Variants in SPTBN1 observed in about 807,000 individuals in gnomAD.
SPTBN1 encodes spectrin beta chain, non-erythrocytic 1.
In SPTBN1, 32 loss-of-function variants were observed where a neutral mutation model predicts 266.4. The observed-to-expected ratio is 0.12, with a 90% confidence interval of 0.09 to 0.16. The LOEUF (loss-of-function observed/expected upper bound fraction) is 0.16. Among genes scored for constraint, SPTBN1 ranks in the 10% least tolerant of loss-of-function variants. The pLI is 1.00. For synonymous variants in SPTBN1, 1,336 were observed against 1,162.2 expected, an observed-to-expected ratio of 1.15 and a Z score of -3.04; for missense variants, 2,296 against 3,067.1, an observed-to-expected ratio of 0.75 and a Z score of 5.94.
Position 54,637,790 on chromosome 2 carries a change from A to C in SPTBN1, c.3845A>C (p.Gln1282Pro). 1 of 1,613,662 alleles carries C rather than the reference A, an allele frequency of 6.2e-7. No homozygotes were observed. Among genetic ancestry groups the C allele is most frequent in the East Asian group, 2.2e-5 (1 of 44,872 alleles). Residue 1282 changes from glutamine (Q) to proline (P), a missense_variant, in exon 18 of 36, where the codon CAA becomes CCA. Transcript: ENST00000356805. Reference protein sequence around the residue: ...KDNRDLQKFLQDCQELSLWIN... With the variant: ...KDNRDLQKFLPDCQELSLWIN... ...AACAGGGATCTACAGAAATTCCTGC[A>C]AGATTGTCAAGAGGTATGTTACTCT...
chr2:54,550,512 A>G (rs1204191881), intron 2 of SPTBN1, among the ~76,000 whole-genome samples: 1 of 152,210 alleles, frequency 6.6e-6, no homozygotes, highest in Non-Finnish European at 1.5e-5. Context: ...TATATTACCT[A>G]CACTCTCATG....
intron 1 of SPTBN1, among the ~76,000 whole-genome samples, chr2:54,488,781 T>G (rs1429559441): frequency 2.0e-5 from 3 of 152,038 alleles, no homozygotes; most frequent in Admixed American, 6.6e-5. Flanking sequence ...CACACTCTTC[T>G]GTGAATTATT....
At position 54,649,105 on chromosome 2, in the gene SPTBN1, A is replaced by T; in HGVS notation, c.5117A>T (p.Glu1706Val). The change falls in exon 25 of 36, where the codon GAG becomes GTG. Residue 1706 changes from glutamate to valine, a missense_variant. By Grantham distance (121) the Glu-to-Val change is moderately radical. Coordinates refer to ENST00000356805, the MANE Select transcript of SPTBN1 (RefSeq NM_003128.3). This position sits in a 1 kb window ranked among gnomAD's most constrained non-coding sequence, Gnocchi z 6.7. ...ERHRLFQLNR[E>V]VDDLEQWIAE... The stretch of plus-strand genomic sequence containing the variant: ...CACAGGTTATTCCAGCTCAACCGGG[A>T]GGTGGACGACCTGGAGCAGTGGATC... The T allele has an allele frequency of 1.2e-6, 2 of 1,614,098 alleles. No individual in the cohort carries two copies. Among genetic ancestry groups the T allele is most frequent in the Non-Finnish European group, 1.7e-6 (2 of 1,179,988 alleles).
chr2:54,650,334 A>G (rs1340415784), intron 26 of SPTBN1, among the ~76,000 whole-genome samples: 1 of 152,250 alleles, frequency 6.6e-6, no homozygotes, highest in Non-Finnish European at 1.5e-5. Context: ...ACTATTTTTC[A>G]TCAACCAGGT....
chr2:54,655,830 G>A lies in SPTBN1; in HGVS notation c.5962-84G>A, dbSNP rs908485238. On this transcript the variant is annotated intron_variant, in intron 28 of 35. Transcript: ENST00000356805. Reference sequence around the variant, plus strand: ...CTTAATGGTGGTCTTTGCAGAAAATGTATTTTTCTAGTATAAAATGACCCC... The same window carrying A: ...CTTAATGGTGGTCTTTGCAGAAAATATATTTTTCTAGTATAAAATGACCCC... 1.8e-5 allele frequency: 18 copies of A among 1,012,514 alleles called. 1 individual carries two copies. In the Admixed American group the frequency reaches 2.2e-4, roughly 13 times the overall value. 62.7% of individuals were successfully genotyped at this position (1,012,514 alleles called of 1,614,324 possible).
At position 54,621,613 on chromosome 2, in the gene SPTBN1, T is replaced by C. The variant is rs550445056; in HGVS notation, c.876+101T>C. On this transcript the variant is annotated intron_variant, in intron 8 of 35. Coordinates refer to ENST00000356805, the MANE Select transcript of SPTBN1 (RefSeq NM_003128.3). ...AAAATTTGCCAATAGCAATTTGTAGTGGACTCTCCGGATGGTAGGGAAATC... is the reference window on the plus strand; with the variant it reads ...AAAATTTGCCAATAGCAATTTGTAGCGGACTCTCCGGATGGTAGGGAAATC... The C allele has an allele frequency of 5.8e-5, 50 of 857,870 alleles. No homozygotes were observed. In the African/African-American group the frequency reaches 6.7e-4, roughly 11 times the overall value. 53.1% of individuals were successfully genotyped at this position (857,870 alleles called of 1,614,324 possible). A position where few individuals can be genotyped will look rare whatever the true frequency, so the allele number is the denominator to read the frequency against.
At chr2:54,618,789 A>G (rs567954739) in intron 7 of SPTBN1, among the ~76,000 whole-genome samples, 1 of 152,274 alleles carries the variant, frequency 6.6e-6, no homozygotes, top group South Asian at 2.1e-4. Flanking sequence ...CCTTTGGGAA[A>G]GGGGAGTGTA....
intron 2 of SPTBN1, among the ~76,000 whole-genome samples, chr2:54,543,634 G>C (rs1672065395): frequency 2.6e-5 from 4 of 152,006 alleles, no homozygotes; most frequent in Admixed American, 6.5e-5. Context: ...CTTTGCATTT[G>C]TATCTTCTCT....
At chr2:54,560,203 T>C (rs12713261) in intron 2 of SPTBN1, among the ~76,000 whole-genome samples, 52,225 of 147,184 alleles carry the variant, frequency 0.35, 9,766 homozygotes, top group Middle Eastern at 0.51. Context: ...GGGGCGTTCA[T>C]TATCTAGGTT....
intron 28 of SPTBN1, 29 bp from the exon 29 acceptor site, chr2:54,655,885 A>T: frequency 6.4e-7 from 1 of 1,574,482 alleles, no homozygotes. Flanking sequence ...TTCCATTAAG[A>T]TGTCCCGGGG....
intron 33 of SPTBN1, among the ~76,000 whole-genome samples, 161 bp from the exon 34 acceptor site, chr2:54,665,754 A>T (rs998488974): frequency 6.6e-6 from 1 of 152,172 alleles, no homozygotes. Flanking sequence ...GTTTAGTGTT[A>T]GCAGAATTTA....
rs564980528 is a variant in SPTBN1 at position 54,485,441 on chromosome 2, C to A, written c.-48+28923C>A. Among the ~76,000 whole-genome samples the A allele has an allele frequency of 9.2e-5, 14 of 152,366 alleles. No homozygotes were observed. In the South Asian group the frequency reaches 2.9e-3, roughly 32 times the overall value. ...CTCCTAACCGTGAGTGATCTGCCAG[C>A]CTCGGCCTCCCAAGGTGCCGGGATT... On this transcript the variant is annotated intron_variant, in intron 1 of 35. Transcript: ENST00000356805.
intron 17 of SPTBN1, among the ~76,000 whole-genome samples, chr2:54,633,864 A>G (rs1228723342): frequency 6.6e-6 from 1 of 152,190 alleles, no homozygotes; most frequent in Non-Finnish European, 1.5e-5. Flanking sequence ...TACCACTTCC[A>G]ATCTTTTTTT....
At chr2:54,470,734 G>C (rs10200103) in intron 1 of SPTBN1, among the ~76,000 whole-genome samples, 46,029 of 152,046 alleles carry the variant, frequency 0.3, 8,371 homozygotes, top group African/African-American at 0.51. Context: ...AGCTACTTGA[G>C]AGGCTGACGT....
Position 54,659,356 on chromosome 2 carries a change from G to A in SPTBN1, c.6356+90G>A. 4 of 1,261,488 alleles carry A rather than the reference G, an allele frequency of 3.2e-6. No individual in the cohort carries two copies. The South Asian group carries it at 4.9e-5, about 15-fold the overall frequency. 78.1% of individuals were successfully genotyped at this position (1,261,488 alleles called of 1,614,324 possible). On this transcript the variant is annotated intron_variant, in intron 31 of 35. Transcript: ENST00000356805. The stretch of plus-strand genomic sequence containing the variant: ...TCTTTCTGAAGCCTTGCATTGCTAG[G>A]CCTAACCACATGCCCTGCCTACTGA...
chr2:54,526,445 T>C lies in SPTBN1; in HGVS notation c.27T>C (p.Tyr9=). The C allele has an allele frequency of 6.2e-7, 1 of 1,614,206 alleles. No individual in the cohort carries two copies. The highest frequency in any genetic ancestry group is 8.5e-7 in the Non-Finnish European group (1 of 1,180,026). MTTTVATD[Y]DNIEIQQQYS... The stretch of plus-strand genomic sequence containing the variant: ...TGACGACCACAGTAGCCACAGACTA[T>C]GACAACATTGAGATCCAGCAGCAGT... The change falls in exon 2 of 36, where the codon TAT becomes TAC. Residue 9 remains tyrosine, a synonymous_variant. Transcript: ENST00000356805.
intron 27 of SPTBN1, among the ~76,000 whole-genome samples, chr2:54,654,211 A>G (rs1432103872): frequency 6.6e-6 from 1 of 152,212 alleles, no homozygotes; most frequent in Admixed American, 6.5e-5. Flanking sequence ...CCGTCTTTGC[A>G]ATGAGATGAC....
intron 2 of SPTBN1, among the ~76,000 whole-genome samples, chr2:54,592,514 A>G (rs1675748193): frequency 6.6e-6 from 1 of 152,008 alleles, no homozygotes; most frequent in Non-Finnish European, 1.5e-5. Flanking sequence ...CCTCCCGAGT[A>G]GCTGGGATTA....
chr2:54,487,854 G>T (rs1668490685), intron 1 of SPTBN1, among the ~76,000 whole-genome samples: 1 of 384 alleles, frequency 2.6e-3, no homozygotes, highest in African/African-American at 0.013. Flanking sequence ...TTTTGAGACG[G>T]AGTCTTGCTC....
Sources: allele counts gnomAD v4.1 joint callset (sites outside exome capture counted in the v4.1 genomes callset), GRCh38; gene constraint gnomAD v4.1.1; non-coding constraint Gnocchi (gnomAD v3.1); transcripts MANE v1.5; gene names NCBI Gene and HGNC (gene_info 2026-07-23, HGNC 2026-07-21).